Variants in GPR149 observed in about 807,000 individuals in gnomAD.
The protein encoded by GPR149 is probable G protein-coupled receptor 149.
GPR149 carries 50 observed loss-of-function variants against 50.2 expected under a neutral mutation model. The ratio of observed to expected loss-of-function variants is 1.00; its 90% CI spans 0.79 to 1.26. The LOEUF (loss-of-function observed/expected upper bound fraction) is 1.26, where lower values mean the gene tolerates loss of function less well. Among genes scored for constraint, GPR149 ranks in the 50% most tolerant of loss-of-function variants. The pLI, the probability that GPR149 is intolerant of heterozygous loss-of-function variation, is 0.00. For missense variants in GPR149, 983 were observed against 895.4 expected (o/e 1.10, Z -1.25); for synonymous variants, 405 against 358.2 (o/e 1.13, Z -1.48).
At chr3:154,400,226 T>A (rs1025783203) in intron 3 of GPR149, among the ~76,000 whole-genome samples, 1 of 152,094 alleles carries the variant, frequency 6.6e-6, no homozygotes, top group Non-Finnish European at 1.5e-5. Flanking sequence ...GACCTCGTGA[T>A]CCACCCGCCT....
chr3:154,394,395 A>G (rs929294121), intron 3 of GPR149, among the ~76,000 whole-genome samples: 2 of 152,108 alleles, frequency 1.3e-5, no homozygotes, highest in African/African-American at 2.4e-5. Context: ...CTTGCTCAAA[A>G]TGGTTTAAGT....
At chr3:154,352,324 G>T (rs1714100277) in intron 3 of GPR149, 5 of 1,003,028 alleles carry the variant, frequency 5.0e-6, no homozygotes, top group Non-Finnish European at 7.6e-6. Flanking sequence ...CTCCGTTGGG[G>T]ATTAGAAGAC....
intron 3 of GPR149, among the ~76,000 whole-genome samples, chr3:154,391,860 G>C (rs1290262770): frequency 6.6e-6 from 1 of 151,634 alleles, no homozygotes; most frequent in South Asian, 2.1e-4. Context: ...CCAAAAGAAA[G>C]ACTGGCTATA....
rs1179799437 is a variant in GPR149, at chr3:154,337,836, T to A, written c.2059A>T (p.Ile687Phe). 1 of 1,614,084 alleles carries A rather than the reference T, an allele frequency of 6.2e-7. No individual in the cohort carries two copies. Among genetic ancestry groups the A allele is most frequent in the South Asian group, 1.1e-5 (1 of 91,052 alleles). Residue 687 changes from isoleucine to phenylalanine, a missense_variant, in exon 4 of 4, where the codon ATC (isoleucine) becomes TTC (phenylalanine). Transcript: ENST00000389740. ...GCTTCTACTGTGTCTGGAATGGAGATATTAATATCACCATCAGGATTACTG... is the reference window on the plus strand; with the variant it reads ...GCTTCTACTGTGTCTGGAATGGAGAAATTAATATCACCATCAGGATTACTG... ...PTSNPDGDINISIPDTVEAHR... is the reference protein window; with the variant it reads ...PTSNPDGDINFSIPDTVEAHR...
intron 2 of GPR149, among the ~76,000 whole-genome samples, chr3:154,427,018 T>A (rs545697127): frequency 9.2e-5 from 14 of 152,124 alleles, no homozygotes; most frequent in African/African-American, 3.4e-4. Flanking sequence ...ATACTAGCAG[T>A]AAAACAACAA....
At chr3:154,422,582 C>T (rs997472426) in intron 2 of GPR149, among the ~76,000 whole-genome samples, 27 of 151,562 alleles carry the variant, frequency 1.8e-4, no homozygotes, top group South Asian at 6.2e-4. Context: ...GCAATATACC[C>T]GAGTGTCATT....
At chr3:154,353,641 T>C in intron 3 of GPR149, 1 of 1,366,426 alleles carries the variant, frequency 7.3e-7, no homozygotes, top group East Asian at 2.3e-5. Context: ...GTTTTATCTT[T>C]GAAGTCTTTG....
intron 3 of GPR149, among the ~76,000 whole-genome samples, chr3:154,418,969 T>C (rs1712062963): frequency 6.6e-6 from 1 of 152,100 alleles, no homozygotes; most frequent in African/African-American, 2.4e-5. Flanking sequence ...CAGTCTGTGG[T>C]TTAGGATTTC....
At chr3:154,370,141 C>T (rs1714630562) in intron 3 of GPR149, among the ~76,000 whole-genome samples, 1 of 152,178 alleles carries the variant, frequency 6.6e-6, no homozygotes, top group Non-Finnish European at 1.5e-5. Context: ...AAGGGAGGCC[C>T]TAAGAAAGCA....
chr3:154,419,291 G>T (rs1205927547), intron 3 of GPR149, among the ~76,000 whole-genome samples: 1 of 151,966 alleles, frequency 6.6e-6, no homozygotes, highest in Admixed American at 6.6e-5. Flanking sequence ...CATTCTCCCA[G>T]GACAATGTAC....
At chr3:154,402,680 A>G (rs1040478573) in intron 3 of GPR149, among the ~76,000 whole-genome samples, 3 of 151,996 alleles carry the variant, frequency 2.0e-5, no homozygotes, top group Non-Finnish European at 2.9e-5. Flanking sequence ...TTCTTCCTCA[A>G]TGTTGCTGGA....
At chr3:154,414,375 TCAC>T (rs779927331) in intron 3 of GPR149, among the ~76,000 whole-genome samples, 3 of 152,016 alleles carry the variant, frequency 2.0e-5, no homozygotes, top group Non-Finnish European at 4.4e-5. Flanking sequence ...AAAATGTTTA[TCAC>T]CACATTATTC....
intron 3 of GPR149, among the ~76,000 whole-genome samples, chr3:154,414,441 C>T (rs1402908609): frequency 2.0e-5 from 3 of 151,880 alleles, no homozygotes; most frequent in Middle Eastern, 3.4e-3. Context: ...AGAAAATTAC[C>T]ATCGCATAAT....
chr3:154,378,368 A>G (rs902608020), intron 3 of GPR149, among the ~76,000 whole-genome samples: 2 of 152,166 alleles, frequency 1.3e-5, no homozygotes, highest in African/African-American at 4.8e-5. Flanking sequence ...TGCTGGGATT[A>G]CAGGTGTAAG....
At position 154,429,539 on chromosome 3, in the gene GPR149, A is replaced by G. The variant is rs758403619; in HGVS notation, c.77T>C (p.Leu26Ser). 2 of 1,614,132 alleles carry G rather than the reference A, an allele frequency of 1.2e-6. No homozygotes were observed. The highest frequency in any genetic ancestry group is 1.7e-6 in the Non-Finnish European group (2 of 1,179,968). ...GATATTCAGGGTTCCTGGCGGATTT[A>G]AAAGGTCCGTAGAATTATGATTCTC... The part of the protein sequence containing the change: ...WKENHNSTDL[L>S]NPPGTLNIYL... Residue 26 changes from leucine to serine, a missense_variant, in exon 1 of 4, where the codon TTA becomes TCA. By Grantham distance (145) the Leu-to-Ser change is moderately radical. Transcript: ENST00000389740.
In GPR149 at chr3:154,394,525, C is replaced by T. The variant is rs566683062; in HGVS notation, c.1623+26514G>A. Among the ~76,000 whole-genome samples the T allele has an allele frequency of 2.7e-3, 413 of 151,852 alleles. 3 individuals are homozygous for T. Among genetic ancestry groups the T allele is most frequent in the African/African-American group, 8.8e-3 (363 of 41,442 alleles). ...AATGCCAAAAGCATGGGCAACAAAA[C>T]GAAAAACAGACAAGTGGAAATACAT... On this transcript the variant is annotated intron_variant, in intron 3 of 3. Transcript: ENST00000389740.
rs991268964 is a variant in GPR149, at chr3:154,382,660, A to C, written c.1623+38379T>G. Among the ~76,000 whole-genome samples the C allele has an allele frequency of 8.5e-5, 13 of 152,196 alleles. No individual in the cohort carries two copies. In the South Asian group the frequency reaches 2.1e-3, roughly 24 times the overall value. ...AAATGCTGAAAATCACGAGTCATTT[A>C]GTTTTCTTATGAGTATGAGTATGTT... On this transcript the variant is annotated intron_variant, in intron 3 of 3. Transcript: ENST00000389740.
intron 3 of GPR149, among the ~76,000 whole-genome samples, chr3:154,378,343 C>T (rs112933385): frequency 0.021 from 3,180 of 152,190 alleles, 97 homozygotes; most frequent in African/African-American, 0.073. Flanking sequence ...ATCTGCCCAC[C>T]TTGGGCTCCC....
At chr3:154,376,616 G>A (rs1207748121) in intron 3 of GPR149, among the ~76,000 whole-genome samples, 2 of 152,204 alleles carry the variant, frequency 1.3e-5, no homozygotes, top group Non-Finnish European at 2.9e-5. Context: ...TTCATATAAT[G>A]TGTTCACATA....
Sources: allele counts gnomAD v4.1 joint callset (sites outside exome capture counted in the v4.1 genomes callset), GRCh38; gene constraint gnomAD v4.1.1; transcripts MANE v1.5; gene names NCBI Gene and HGNC (gene_info 2026-07-23, HGNC 2026-07-21).